The following AGAP1 variants were observed in gnomAD, a reference collection of about 807,000 sequenced individuals.
AGAP1 encodes the protein ArfGAP with GTPase domain, ankyrin repeat and PH domain 1.
Under a neutral mutation model 105.3 loss-of-function variants are expected in AGAP1, and 29 were observed. The ratio of observed to expected loss-of-function variants is 0.28; its 90% CI spans 0.21 to 0.38. The LOEUF (loss-of-function observed/expected upper bound fraction) is 0.38, where lower values mean the gene tolerates loss of function less well. AGAP1 is among the 10% of genes least tolerant of loss of function. AGAP1 has a pLI of 1.00. For synonymous variants in AGAP1, 509 were observed against 485.9 expected (o/e 1.05, Z -0.63); for missense variants, 998 against 1,165.1 (o/e 0.86, Z 2.09).
In AGAP1 at chr2:235,967,108, C is replaced by G. The variant is rs1169737793; in HGVS notation, c.1484-1354C>G. On this transcript the variant is annotated intron_variant, in intron 12 of 17. Coordinates refer to ENST00000304032, the MANE Select transcript of AGAP1 (RefSeq NM_001037131.3). The surrounding 1 kb of genome is among the most constrained non-coding windows in gnomAD (Gnocchi z 4.7). ...CGGTGGCCCGCAAGCCCCCTCCTCT[C>G]CAGTGCCACCTTCCGCAGGCCTCTC... Among the ~76,000 whole-genome samples the G allele has an allele frequency of 6.6e-6, 1 of 152,168 alleles. No individual in the cohort carries two copies. The highest frequency in any genetic ancestry group is 6.5e-5 in the Admixed American group (1 of 15,286).
chr2:235,852,946 C>T (rs1465446195), intron 9 of AGAP1: 19 of 1,273,298 alleles, frequency 1.5e-5, no homozygotes, highest in Non-Finnish European at 1.9e-5. Flanking sequence ...TCTGATAGAC[C>T]TTTGACACCT....
rs1431145572 is a variant in AGAP1 at position 235,951,551 on chromosome 2, A to G, written c.1484-16911A>G. Among the ~76,000 whole-genome samples, 1 of 152,210 alleles carries G rather than the reference A, an allele frequency of 6.6e-6. No individual in the cohort carries two copies. Among genetic ancestry groups the G allele is most frequent in the African/African-American group, 2.4e-5 (1 of 41,442 alleles). The stretch of plus-strand genomic sequence containing the variant: ...GTTGGTTTAAGATTGCCATGACCAC[A>G]TATTAATAGTTGCACTGAGAAACAG... On this transcript the variant is annotated intron_variant, in intron 12 of 17. Coordinates refer to ENST00000304032, the MANE Select transcript of AGAP1 (RefSeq NM_001037131.3). The surrounding 1 kb of genome is among the most constrained non-coding windows in gnomAD (Gnocchi z 4.2).
In AGAP1 at chr2:235,879,428, G is replaced by A. The variant is rs73126478; in HGVS notation, c.1051-3917G>A. 5.6e-4 allele frequency among the ~76,000 whole-genome samples: 86 copies of A among 152,284 alleles called. No homozygotes were observed. The highest frequency in any genetic ancestry group is 2.0e-3 in the African/African-American group (82 of 41,552). ...GAAGGCAGAAATATGACTCCTAAGAGGCCAGGGTATTCTGTAGTCCTGCCA... is the reference window on the plus strand; with the variant it reads ...GAAGGCAGAAATATGACTCCTAAGAAGCCAGGGTATTCTGTAGTCCTGCCA... On this transcript the variant is annotated intron_variant, in intron 9 of 17. Transcript: ENST00000304032. The surrounding 1 kb of genome is among the most constrained non-coding windows in gnomAD (Gnocchi z 5.0).
intron 1 of AGAP1, among the ~76,000 whole-genome samples, chr2:235,570,091 G>A (rs898800427): frequency 2.6e-5 from 4 of 152,124 alleles, no homozygotes; most frequent in Admixed American, 2.6e-4. Context: ...CGGAATCAAA[G>A]GGAAATTATT....
intron 1 of AGAP1, among the ~76,000 whole-genome samples, chr2:235,703,822 C>G (rs148699039): frequency 1.3e-5 from 2 of 152,218 alleles, no homozygotes; most frequent in African/African-American, 2.4e-5. Flanking sequence ...GTCTGGAACT[C>G]CTGACCTCAG....
rs551005103 is a variant in AGAP1 at position 236,121,311 on chromosome 2, G to GT, written c.2370+871dup. 3.1e-3 allele frequency among the ~76,000 whole-genome samples: 470 copies of GT among 152,164 alleles called. 4 individuals are homozygous for GT. Among genetic ancestry groups the GT allele is most frequent in the Middle Eastern group, 6.8e-3 (2 of 294 alleles). ...TTTTGATCTGACTTTTTTGTTTTTT[G>GT]TTTTTTTGAGACAGAGTCTCGCTCT... On this transcript the variant is annotated intron_variant, in intron 17 of 17. Coordinates refer to ENST00000304032, the MANE Select transcript of AGAP1 (RefSeq NM_001037131.3). This position sits in a 1 kb window ranked among gnomAD's most constrained non-coding sequence, Gnocchi z 4.9.
At chr2:235,678,003 C>T (rs532834649) in intron 1 of AGAP1, among the ~76,000 whole-genome samples, 1 of 134,424 alleles carries the variant, frequency 7.4e-6, no homozygotes, top group Non-Finnish European at 1.6e-5. Context: ...GAGTTTTGGC[C>T]TTGAGGATGC....
In AGAP1 at chr2:236,002,830, T is replaced by G. The variant is rs1283336190; in HGVS notation, c.1646-33731T>G. Among the ~76,000 whole-genome samples the G allele has an allele frequency of 6.6e-6, 1 of 152,102 alleles. No individual in the cohort carries two copies. On this transcript the variant is annotated intron_variant, in intron 13 of 17. Transcript: ENST00000304032. The surrounding 1 kb of genome is among the most constrained non-coding windows in gnomAD (Gnocchi z 4.3). ...TTATATGATATTTCTTGCGTTGAAT[T>G]CAGTATGTGCTCAAGTTAAGTGTGA...
Position 235,751,941 on chromosome 2 carries a change from C to T in AGAP1, c.673+1453C>T, listed in dbSNP as rs1367465805. Reference sequence around the variant, plus strand: ...CTGCTGCCTCTGTCGGGAGAATGTCCTGTGGGGAGTAAACCTCATTTCAAG... The same window carrying T: ...CTGCTGCCTCTGTCGGGAGAATGTCTTGTGGGGAGTAAACCTCATTTCAAG... On this transcript the variant is annotated intron_variant, in intron 6 of 17. Coordinates refer to ENST00000304032, the MANE Select transcript of AGAP1 (RefSeq NM_001037131.3). The surrounding 1 kb of genome is among the most constrained non-coding windows in gnomAD (Gnocchi z 5.3). 6.6e-6 allele frequency among the ~76,000 whole-genome samples: 1 copy of T among 152,178 alleles called. No homozygotes were observed. Among genetic ancestry groups the T allele is most frequent in the African/African-American group, 2.4e-5 (1 of 41,452 alleles).
intron 9 of AGAP1, among the ~76,000 whole-genome samples, chr2:235,846,330 A>G (rs1244357347): frequency 6.6e-6 from 1 of 151,984 alleles, no homozygotes; most frequent in Non-Finnish European, 1.5e-5. Context: ...TTATTTATTT[A>G]TTATTTATTT....
intron 9 of AGAP1, among the ~76,000 whole-genome samples, chr2:235,868,053 G>A (rs1015469143): frequency 6.6e-6 from 1 of 152,176 alleles, no homozygotes; most frequent in Non-Finnish European, 1.5e-5. Flanking sequence ...AAAGGTGCCA[G>A]CTTTTCTTTG....
Position 235,983,135 on chromosome 2 carries a change from G to T in AGAP1, c.1645+14512G>T, listed in dbSNP as rs556480057. On this transcript the variant is annotated intron_variant, in intron 13 of 17. Coordinates refer to ENST00000304032, the MANE Select transcript of AGAP1 (RefSeq NM_001037131.3). This position sits in a 1 kb window ranked among gnomAD's most constrained non-coding sequence, Gnocchi z 4.5. The stretch of plus-strand genomic sequence containing the variant: ...GGAAGCTGGCCTCAGGGGTCTCCCA[G>T]GATGCTGGGGCTGGTGGACGACCCC... Among the ~76,000 whole-genome samples, 1 of 152,296 alleles carries T rather than the reference G, an allele frequency of 6.6e-6. No homozygotes were observed. The highest frequency in any genetic ancestry group is 2.1e-4 in the South Asian group (1 of 4,824).
At position 235,870,501 on chromosome 2, in the gene AGAP1, G is replaced by A. The variant is rs964534582; in HGVS notation, c.1051-12844G>A. 5.9e-5 allele frequency among the ~76,000 whole-genome samples: 9 copies of A among 152,142 alleles called. No individual in the cohort carries two copies. The South Asian group carries it at 1.9e-3, about 32-fold the overall frequency. On this transcript the variant is annotated intron_variant, in intron 9 of 17. Transcript: ENST00000304032. ...ATTAGCCAGGCATGGTGGCACATGT[G>A]TGTAATCCCATCTACTTCGGAGGCT...
Position 235,893,359 on chromosome 2 carries a change from CGTGTCCATCATAGGGGTGTGCT to C in AGAP1, c.1155+9916_1155+9937del, listed in dbSNP as rs1438481514. On this transcript the variant is annotated intron_variant, in intron 10 of 17. Coordinates refer to ENST00000304032, the MANE Select transcript of AGAP1 (RefSeq NM_001037131.3). The surrounding 1 kb of genome is among the most constrained non-coding windows in gnomAD (Gnocchi z 4.7). Reference sequence around the variant, plus strand: ...TGGCTTGTCTGTGGTGTGGGTGTGCCGTGTCCATCATAGGGGTGTGCTGTGTCTGTGGCGTGGGTGTAGCGTG... The same window carrying C: ...TGGCTTGTCTGTGGTGTGGGTGTGCCGTGTCTGTGGCGTGGGTGTAGCGTG... Among the ~76,000 whole-genome samples the C allele has an allele frequency of 6.7e-6, 1 of 149,920 alleles. No individual in the cohort carries two copies. Among genetic ancestry groups the C allele is most frequent in the East Asian group, 2.0e-4 (1 of 5,018 alleles).
chr2:235,792,914 G>A lies in AGAP1; in HGVS notation c.674-4845G>A, dbSNP rs183732431. Reference sequence around the variant, plus strand: ...CACTGAGGTGGTGACCGAGACATTCGCGAGGAGGTTGCCCAGGCAGAGGGC... The same window carrying A: ...CACTGAGGTGGTGACCGAGACATTCACGAGGAGGTTGCCCAGGCAGAGGGC... On this transcript the variant is annotated intron_variant, in intron 6 of 17. Coordinates refer to ENST00000304032, the MANE Select transcript of AGAP1 (RefSeq NM_001037131.3). This position sits in a 1 kb window ranked among gnomAD's most constrained non-coding sequence, Gnocchi z 5.3. 1.1e-4 allele frequency among the ~76,000 whole-genome samples: 17 copies of A among 152,238 alleles called. No homozygotes were observed. The East Asian group carries it at 2.9e-3, about 26-fold the overall frequency.
Position 236,074,423 on chromosome 2 carries a change from G to A in AGAP1, c.2114+25142G>A, listed in dbSNP as rs552375370. Among the ~76,000 whole-genome samples the A allele has an allele frequency of 7.2e-5, 11 of 152,304 alleles. No individual in the cohort carries two copies. In the South Asian group the frequency reaches 2.3e-3, roughly 32 times the overall value. On this transcript the variant is annotated intron_variant, in intron 16 of 17. Transcript: ENST00000304032. ...GTTCTGTGCACACTCTGCACTCTGGGAAGTTAATGAGCAGTTTTTATCTGG... is the reference window on the plus strand; with the variant it reads ...GTTCTGTGCACACTCTGCACTCTGGAAAGTTAATGAGCAGTTTTTATCTGG...
rs565096850 is a variant in AGAP1 at position 235,551,121 on chromosome 2, G to C, written c.163+56272G>C. ...GAGTTTGCTTCTGAGGAAGAGAAGTGGGGGGTCGGGGGCATCCCACCTCCC... is the reference window on the plus strand; with the variant it reads ...GAGTTTGCTTCTGAGGAAGAGAAGTCGGGGGTCGGGGGCATCCCACCTCCC... On this transcript the variant is annotated intron_variant, in intron 1 of 17. Coordinates refer to ENST00000304032, the MANE Select transcript of AGAP1 (RefSeq NM_001037131.3). The surrounding 1 kb of genome is among the most constrained non-coding windows in gnomAD (Gnocchi z 4.8). 1.3e-5 allele frequency among the ~76,000 whole-genome samples: 2 copies of C among 152,092 alleles called. No individual in the cohort carries two copies. The highest frequency in any genetic ancestry group is 4.1e-4 in the South Asian group (2 of 4,830).
rs553328080 is a variant in AGAP1, at chr2:235,639,386, C to T, written c.164-69793C>T. On this transcript the variant is annotated intron_variant, in intron 1 of 17. Transcript: ENST00000304032. The surrounding 1 kb of genome is among the most constrained non-coding windows in gnomAD (Gnocchi z 5.3). ...AGGACCACGGTGTGGCCTGAGAAGT[C>T]GGCCTGCGATAGAACCCGGGGAATC... Among the ~76,000 whole-genome samples, 6 of 152,210 alleles carry T rather than the reference C, an allele frequency of 3.9e-5. 1 individual carries two copies. The highest frequency in any genetic ancestry group is 7.2e-5 in the African/African-American group (3 of 41,544).
intron 9 of AGAP1, among the ~76,000 whole-genome samples, chr2:235,870,524 G>A (rs542890456): frequency 2.0e-5 from 3 of 152,252 alleles, no homozygotes; most frequent in African/African-American, 7.2e-5. Flanking sequence ...TACTTCGGAG[G>A]CTGAGGCAGG....
Sources: allele counts gnomAD v4.1 joint callset (sites outside exome capture counted in the v4.1 genomes callset), GRCh38; gene constraint gnomAD v4.1.1; non-coding constraint Gnocchi (gnomAD v3.1); transcripts MANE v1.5; gene names NCBI Gene and HGNC (gene_info 2026-07-23, HGNC 2026-07-21).